ERN1: variants seen among roughly 807,000 people sequenced by gnomAD.
ERN1 encodes the protein serine/threonine-protein kinase/endoribonuclease IRE1.
In ERN1, 39 loss-of-function variants were observed where a neutral mutation model predicts 113.1. That is an observed-to-expected ratio of 0.34 (90% CI 0.27 to 0.45). The LOEUF (loss-of-function observed/expected upper bound fraction) is 0.45, where lower values mean the gene tolerates loss of function less well. ERN1 is among the 20% of genes least tolerant of loss of function. The probability of loss-of-function intolerance (pLI) is 1.00; values close to 1 mark genes in which losing one functional copy is unlikely to be tolerated. For missense variants in ERN1, 976 were observed against 1,274.8 expected, an observed-to-expected ratio of 0.77 and a Z score of 3.57; for synonymous variants, 507 against 515.9, an observed-to-expected ratio of 0.98 and a Z score of 0.23.
intron 10 of ERN1, among the ~76,000 whole-genome samples, chr17:64,061,209 T>C (rs1913044211): frequency 6.6e-6 from 1 of 152,230 alleles, no homozygotes. Context: ...GAGCATCTAT[T>C]GTGTGCAAAT....
chr17:64,054,335 G>T lies in ERN1; in HGVS notation c.1868C>A (p.Pro623Gln), dbSNP rs370210153. 1 of 1,613,214 alleles carries T rather than the reference G, an allele frequency of 6.2e-7. No individual in the cohort carries two copies. The highest frequency in any genetic ancestry group is 8.5e-7 in the Non-Finnish European group (1 of 1,179,608). Residue 623 changes from proline to glutamine, a missense_variant, in exon 15 of 22, where the codon CCG becomes CAG. By Grantham distance (76) the Pro-to-Gln change is moderately conservative. Transcript: ENST00000433197. This position sits in a 1 kb window ranked among gnomAD's most constrained non-coding sequence, Gnocchi z 4.9. ...CGTGCAGAAGTAGCGGATCACGTTC[G>T]GGTGCTCATCCGATTCTCGCAACAG... The part of the protein sequence containing the change: ...VQLLRESDEH[P>Q]NVIRYFCTEK...
rs144443210 is a variant in ERN1, at chr17:64,086,521, G to A, written c.176-5713C>T. Among the ~76,000 whole-genome samples, 10 of 151,834 alleles carry A rather than the reference G, an allele frequency of 6.6e-5. No homozygotes were observed. The East Asian group carries it at 1.9e-3, about 29-fold the overall frequency. On this transcript the variant is annotated intron_variant, in intron 2 of 21. Coordinates refer to ENST00000433197, the MANE Select transcript of ERN1 (RefSeq NM_001433.5). ...CAATCTGTTTACCTATTTACCTGCT[G>A]AGGGACATTTGAGTTGTTTTTATTT...
intron 2 of ERN1, 100 bp from the exon 3 acceptor site, chr17:64,080,908 T>C: frequency 8.2e-7 from 1 of 1,225,204 alleles, no homozygotes; most frequent in Non-Finnish European, 1.2e-6. Context: ...GGTAATAACT[T>C]TCTCCCTCCT....
intron 10 of ERN1, among the ~76,000 whole-genome samples, chr17:64,062,645 A>C (rs1364249362): frequency 6.6e-6 from 1 of 152,110 alleles, no homozygotes; most frequent in Admixed American, 6.5e-5. Flanking sequence ...ATATATACAC[A>C]TTTCCTTAAT....
At chr17:64,092,794 A>T (rs1036620230) in intron 2 of ERN1, among the ~76,000 whole-genome samples, 10 of 152,220 alleles carry the variant, frequency 6.6e-5, no homozygotes, top group Non-Finnish European at 4.4e-5. Context: ...AATACTAAAG[A>T]AAGTCCTCTC....
rs1219888747 is a variant in ERN1 at position 64,081,654 on chromosome 17, C to G, written c.176-846G>C. 8.5e-5 allele frequency among the ~76,000 whole-genome samples: 13 copies of G among 152,272 alleles called. No individual in the cohort carries two copies. The South Asian group carries it at 2.7e-3, about 32-fold the overall frequency. Reference sequence around the variant, plus strand: ...TCAAAAATGCTAATTGTAAGTTATCCTTGTTGGAAATGCAACTCCCCCCAA... The same window carrying G: ...TCAAAAATGCTAATTGTAAGTTATCGTTGTTGGAAATGCAACTCCCCCCAA... On this transcript the variant is annotated intron_variant, in intron 2 of 21. Transcript: ENST00000433197.
At chr17:64,058,918 T>C (rs1352782177) in intron 11 of ERN1, among the ~76,000 whole-genome samples, 2 of 152,096 alleles carry the variant, frequency 1.3e-5, no homozygotes, top group Admixed American at 6.5e-5. Context: ...GCAGAGTATA[T>C]AGGAAGCACC....
At position 64,105,182 on chromosome 17, in the gene ERN1, C is replaced by G. The variant is rs917497166; in HGVS notation, c.55-6941G>C. ...CCAGGTGGGAGTGCAGTTGAGCGAT[C>G]AGAGCTCACTGCAGCCTTGAGGCTC... On this transcript the variant is annotated intron_variant, in intron 1 of 21. Transcript: ENST00000433197. Among the ~76,000 whole-genome samples, 11 of 152,270 alleles carry G rather than the reference C, an allele frequency of 7.2e-5. No homozygotes were observed. The East Asian group carries it at 2.1e-3, about 29-fold the overall frequency.
At chr17:64,053,021 A>G in intron 16 of ERN1, 42 bp from the exon 17 acceptor site, 3 of 1,399,158 alleles carry the variant, frequency 2.1e-6, no homozygotes, top group Non-Finnish European at 2.8e-6. Context: ...TACCAGGAGC[A>G]ACCCCAGGCC....
intron 1 of ERN1, among the ~76,000 whole-genome samples, chr17:64,120,067 T>C (rs542026729): frequency 1.3e-5 from 2 of 152,286 alleles, no homozygotes; most frequent in Admixed American, 1.3e-4. Context: ...TTAAACATTT[T>C]TTTTTTAAAA....
intron 9 of ERN1, 105 bp from the exon 10 acceptor site, chr17:64,064,256 G>C (rs1425352717): frequency 1.6e-6 from 2 of 1,274,268 alleles, no homozygotes; most frequent in African/African-American, 3.0e-5. Flanking sequence ...TCTAGTGCAG[G>C]GCTAGTCCAG....
At chr17:64,119,581 G>A (rs1462166201) in intron 1 of ERN1, among the ~76,000 whole-genome samples, 3 of 150,844 alleles carry the variant, frequency 2.0e-5, no homozygotes, top group South Asian at 2.1e-4. Flanking sequence ...TAGTAGAGAC[G>A]GGGTTTCACC....
At chr17:64,121,386 C>G (rs1327704914) in intron 1 of ERN1, among the ~76,000 whole-genome samples, 1 of 152,212 alleles carries the variant, frequency 6.6e-6, no homozygotes, top group Non-Finnish European at 1.5e-5. Context: ...TTTGTTCTTT[C>G]AGACATATGA....
At position 64,055,808 on chromosome 17, in the gene ERN1, C is replaced by A. The variant is rs747246243; in HGVS notation, c.1539G>T (p.Thr513=). ...CCGAGCTCTCTGAGTACGGGCCAGA[C>A]GTGTCCAGGAGCTCGCCGTCCTGAG... ...DTAQDGELLD[T]SGPYSESSGT... The change falls in exon 13 of 22, where the codon ACG becomes ACT. Residue 513 remains threonine, a synonymous_variant. Transcript: ENST00000433197. 1.3e-6 allele frequency: 2 copies of A among 1,580,704 alleles called. No homozygotes were observed. Among genetic ancestry groups the A allele is most frequent in the African/African-American group, 1.3e-5 (1 of 74,326 alleles).
At chr17:64,105,588 TTTTG>T (rs1374443712) in intron 1 of ERN1, among the ~76,000 whole-genome samples, 3 of 152,236 alleles carry the variant, frequency 2.0e-5, no homozygotes, top group East Asian at 3.9e-4. Flanking sequence ...GTGTGTGTGT[TTTTG>T]TTTGTTTTGC....
Position 64,054,749 on chromosome 17 carries a change from T to C in ERN1, c.1752A>G (p.Thr584=). 3.7e-6 allele frequency: 6 copies of C among 1,607,378 alleles called. No individual in the cohort carries two copies. The highest frequency in any genetic ancestry group is 5.1e-6 in the Non-Finnish European group (6 of 1,177,348). Reference sequence around the variant, plus strand: ...GCTAATCCACTCACCGGTACACAATTGTGCCCTCAGCTCCATGGCCCAGGA... The same window carrying C: ...GCTAATCCACTCACCGGTACACAATCGTGCCCTCAGCTCCATGGCCCAGGA... ...KDVLGHGAEG[T]IVYRGMFDNR... Residue 584 remains threonine, a synonymous_variant, in exon 14 of 22, where the codon ACA becomes ACG. Coordinates refer to ENST00000433197, the MANE Select transcript of ERN1 (RefSeq NM_001433.5). The surrounding 1 kb of genome is among the most constrained non-coding windows in gnomAD (Gnocchi z 4.9).
chr17:64,056,288 A>G (rs1912867754), intron 12 of ERN1, among the ~76,000 whole-genome samples: 1 of 152,222 alleles, frequency 6.6e-6, no homozygotes, highest in South Asian at 2.1e-4. Flanking sequence ...GAGTTGTTGC[A>G]AAGGTGAAAC....
rs962777635 is a variant in ERN1 at position 64,077,030 on chromosome 17, AACTC to A, written c.283-1787_283-1784del. ...GAGATTCCAATGAGATAACTTATAC[AACTC>A]ACTCACCCCAGTTTCTGGCAAACAA... On this transcript the variant is annotated intron_variant, in intron 4 of 21. Coordinates refer to ENST00000433197, the MANE Select transcript of ERN1 (RefSeq NM_001433.5). Among the ~76,000 whole-genome samples the A allele has an allele frequency of 2.3e-4, 35 of 152,324 alleles. 1 individual carries two copies. The highest frequency in any genetic ancestry group is 2.0e-4 in the Admixed American group (3 of 15,300).
At chr17:64,108,200 C>T (rs1914580586) in intron 1 of ERN1, among the ~76,000 whole-genome samples, 1 of 148,938 alleles carries the variant, frequency 6.7e-6, no homozygotes, top group African/African-American at 2.5e-5. Context: ...TTTAATAGAT[C>T]TGATTAAAAA....
Sources: allele counts gnomAD v4.1 joint callset (sites outside exome capture counted in the v4.1 genomes callset), GRCh38; gene constraint gnomAD v4.1.1; non-coding constraint Gnocchi (gnomAD v3.1); transcripts MANE v1.5; gene names NCBI Gene and HGNC (gene_info 2026-07-23, HGNC 2026-07-21).